Variants in RBFOX1 observed in about 807,000 individuals in gnomAD.
The protein encoded by RBFOX1 is RNA binding fox-1 homolog 1.
Under a neutral mutation model 57.7 loss-of-function variants are expected in RBFOX1, and 8 were observed. The ratio of observed to expected loss-of-function variants is 0.14; its 90% confidence interval spans 0.08 to 0.25. The LOEUF (loss-of-function observed/expected upper bound fraction) is 0.25. Among genes scored for constraint, RBFOX1 ranks in the 10% least tolerant of loss-of-function variants. RBFOX1 has a pLI of 1.00. For synonymous variants in RBFOX1, 326 were observed against 222.4 expected (o/e 1.47, Z -4.15); for missense variants, 611 against 548.5 (o/e 1.11, Z -1.14).
At chr16:7,530,118 C>A (rs1174436548) in intron 5 of RBFOX1, among the ~76,000 whole-genome samples, 1 of 151,870 alleles carries the variant, frequency 6.6e-6, no homozygotes, top group Non-Finnish European at 1.5e-5. Flanking sequence ...TGCAGAGATT[C>A]ATAGAATGTT....
intron 1 of RBFOX1, among the ~76,000 whole-genome samples, chr16:5,385,822 A>G (rs753677893): frequency 1.3e-5 from 2 of 152,206 alleles, no homozygotes; most frequent in African/African-American, 4.8e-5. Context: ...ATCAGCACCA[A>G]TATTGAAATT....
chr16:7,531,460 A>T (rs1035521103), intron 5 of RBFOX1, among the ~76,000 whole-genome samples: 4 of 152,198 alleles, frequency 2.6e-5, no homozygotes, highest in African/African-American at 9.6e-5. Flanking sequence ...TATGGCCTAG[A>T]TGAGAAAACC....
chr16:7,588,537 T>A (rs1309192831), intron 7 of RBFOX1, among the ~76,000 whole-genome samples: 1 of 152,182 alleles, frequency 6.6e-6, no homozygotes, highest in South Asian at 2.1e-4. Flanking sequence ...TGGCTGCCAG[T>A]CCCCAGGCTA....
intron 4 of RBFOX1, among the ~76,000 whole-genome samples, chr16:7,476,775 G>A (rs2191385): frequency 7.2e-5 from 11 of 152,094 alleles, no homozygotes; most frequent in Admixed American, 7.2e-4. Context: ...ATGTCAGTAG[G>A]ATTTGGTCTC....
intron 14 of RBFOX1, among the ~76,000 whole-genome samples, chr16:7,696,214 T>C (rs1357037661): frequency 6.6e-6 from 1 of 152,168 alleles, no homozygotes; most frequent in African/African-American, 2.4e-5. Flanking sequence ...AGTTGTGTTG[T>C]TTTGTTTTGG....
At chr16:6,543,027 C>G (rs909266025) in intron 2 of RBFOX1, among the ~76,000 whole-genome samples, 23 of 152,264 alleles carry the variant, frequency 1.5e-4, no homozygotes, top group African/African-American at 5.1e-4. Context: ...TCCCCAGGGC[C>G]ACACTATCGT....
intron 2 of RBFOX1, among the ~76,000 whole-genome samples, chr16:6,634,790 A>ATTTG (rs2098418623): frequency 7.2e-6 from 1 of 139,198 alleles, no homozygotes; most frequent in Non-Finnish European, 1.5e-5. Flanking sequence ...TAATACAAAG[A>ATTTG]TATACATATA....
At chr16:6,211,185 C>CCATGAGACAGAGTGTTTTTTTA (rs1426493154) in intron 1 of RBFOX1, among the ~76,000 whole-genome samples, 1 of 123,210 alleles carries the variant, frequency 8.1e-6, no homozygotes, top group African/African-American at 2.7e-5. Context: ...GTGTTTTCTT[C>CCATGAGACAGAGTGTTTTTTTA]TTCTTTTTTT....
intron 4 of RBFOX1, among the ~76,000 whole-genome samples, chr16:7,502,942 G>C (rs1380808265): frequency 6.6e-6 from 1 of 152,102 alleles, no homozygotes; most frequent in East Asian, 1.9e-4. Context: ...AGAGTCGCTT[G>C]AATCTGGGAC....
chr16:5,632,221 A>G lies in RBFOX1; in HGVS notation c.318+33260A>G, dbSNP rs142626527. On this transcript the variant is annotated intron_variant, in intron 3 of 19. Coordinates refer to the RBFOX1 transcript ENST00000641259. The stretch of plus-strand genomic sequence containing the variant: ...AAATAATTATTATTCTGTATTAGAG[A>G]CGATGTCATGAGACAACTAGCCACA... 8.5e-5 allele frequency among the ~76,000 whole-genome samples: 13 copies of G among 152,324 alleles called. No homozygotes were observed. The East Asian group carries it at 2.5e-3, about 29-fold the overall frequency.
At chr16:6,501,850 C>G (rs1567464522) in intron 2 of RBFOX1, among the ~76,000 whole-genome samples, 2 of 152,200 alleles carry the variant, frequency 1.3e-5, no homozygotes, top group Non-Finnish European at 2.9e-5. Flanking sequence ...TTTCACACCC[C>G]TCTTAGGACG....
At chr16:5,304,591 A>C (rs778556545) in intron 1 of RBFOX1, among the ~76,000 whole-genome samples, 2 of 152,286 alleles carry the variant, frequency 1.3e-5, no homozygotes, top group East Asian at 3.9e-4. Context: ...AATATCTATT[A>C]AGCTCCTTTT....
At chr16:7,637,035 C>T (rs543144560) in intron 11 of RBFOX1, among the ~76,000 whole-genome samples, 108 of 152,168 alleles carry the variant, frequency 7.1e-4, no homozygotes, top group East Asian at 1.7e-3. Context: ...TAATTTAGTC[C>T]GTAGCAAGCC....
intron 4 of RBFOX1, among the ~76,000 whole-genome samples, chr16:5,875,926 C>T (rs945616868): frequency 1.3e-5 from 2 of 151,570 alleles, no homozygotes; most frequent in African/African-American, 2.4e-5. Flanking sequence ...TCACTGCAAG[C>T]CCCGCCTCCC....
intron 2 of RBFOX1, among the ~76,000 whole-genome samples, chr16:6,560,809 T>C (rs1169250240): frequency 6.6e-6 from 1 of 152,240 alleles, no homozygotes; most frequent in Non-Finnish European, 1.5e-5. Context: ...GCTGGAGTAC[T>C]GTCTGACTTG....
intron 4 of RBFOX1, among the ~76,000 whole-genome samples, chr16:7,084,068 C>T (rs974103824): frequency 2.0e-5 from 3 of 152,150 alleles, no homozygotes; most frequent in Admixed American, 2.0e-4. Context: ...CACCCGGGGG[C>T]TTCTGATCAA....
intron 2 of RBFOX1, among the ~76,000 whole-genome samples, chr16:6,418,534 T>C (rs1266862003): frequency 6.8e-6 from 1 of 146,940 alleles, no homozygotes; most frequent in Admixed American, 6.7e-5. Flanking sequence ...TTTTTTTTTT[T>C]TTTTTTTTTG....
chr16:7,415,030 T>C (rs1266830528), intron 4 of RBFOX1, among the ~76,000 whole-genome samples: 1 of 152,224 alleles, frequency 6.6e-6, no homozygotes, highest in Non-Finnish European at 1.5e-5. Context: ...TGGCCAAAGA[T>C]GGCTCTTTCT....
At chr16:6,639,841 T>C (rs887923365) in intron 2 of RBFOX1, among the ~76,000 whole-genome samples, 37 of 152,070 alleles carry the variant, frequency 2.4e-4, no homozygotes, top group African/African-American at 8.9e-4. Flanking sequence ...ATCACGCCAC[T>C]GCACTCCAGC....
Sources: gnomAD v4.1 joint callset for allele counts (sites outside exome capture counted in the v4.1 genomes callset) on GRCh38, gnomAD v4.1.1 for gene constraint, MANE v1.5 for transcripts, NCBI Gene and HGNC (gene_info 2026-07-23, HGNC 2026-07-21) for gene names.